Variants in TBC1D22B observed in about 807,000 individuals in gnomAD.
TBC1D22B encodes the protein TBC1 domain family member 22B.
In TBC1D22B, 32 loss-of-function variants were observed where a neutral mutation model predicts 69.1. The ratio of observed to expected loss-of-function variants is 0.46; its 90% confidence interval spans 0.35 to 0.62. TBC1D22B has a LOEUF of 0.62. Ranked by LOEUF, TBC1D22B falls within the 20% of genes least tolerant of loss-of-function variation. TBC1D22B has a pLI of 0.00. For synonymous variants in TBC1D22B, 206 were observed against 229.8 expected (o/e 0.90, Z 0.94); for missense variants, 462 against 630.9 (o/e 0.73, Z 2.87).
chr6:37,305,674 C>A (rs866467066), intron 8 of TBC1D22B, among the ~76,000 whole-genome samples: 1 of 152,198 alleles, frequency 6.6e-6, no homozygotes, highest in East Asian at 1.9e-4. Flanking sequence ...CCCGCCACCA[C>A]GCCTGGCTAT....
intron 7 of TBC1D22B, among the ~76,000 whole-genome samples, chr6:37,287,954 G>A (rs535407662): frequency 6.6e-6 from 1 of 152,190 alleles, no homozygotes; most frequent in Admixed American, 6.5e-5. Flanking sequence ...GAAGGTGTCA[G>A]TGGGGCTATT....
At chr6:37,328,915 C>T (rs749332292) in intron 12 of TBC1D22B, among the ~76,000 whole-genome samples, 20 of 152,000 alleles carry the variant, frequency 1.3e-4, no homozygotes, top group Non-Finnish European at 2.1e-4. Flanking sequence ...TTAGTAGAGA[C>T]GGGGTTTCAC....
chr6:37,304,129 T>C (rs58931517), intron 8 of TBC1D22B, among the ~76,000 whole-genome samples: 4,839 of 152,318 alleles, frequency 0.032, 239 homozygotes, highest in African/African-American at 0.11. Context: ...TTTCTGATAC[T>C]GTGCTGAATT....
intron 12 of TBC1D22B, among the ~76,000 whole-genome samples, chr6:37,318,535 G>A (rs73423614): frequency 0.032 from 4,837 of 152,246 alleles, 242 homozygotes; most frequent in African/African-American, 0.11. Flanking sequence ...CCTAGATGCT[G>A]CTTAAAGCCG....
intron 8 of TBC1D22B, among the ~76,000 whole-genome samples, chr6:37,297,363 A>C (rs1024184036): frequency 1.3e-5 from 2 of 152,226 alleles, no homozygotes; most frequent in Admixed American, 6.5e-5. Context: ...CTGGCCAAGC[A>C]GTAACATTAC....
Position 37,282,910 on chromosome 6 carries a change from G to A in TBC1D22B, c.630G>A (p.Gly210=), listed in dbSNP as rs145541673. Residue 210 remains glycine, a synonymous_variant, in exon 5 of 13, where the codon GGG becomes GGA. Coordinates refer to ENST00000373491, the MANE Select transcript of TBC1D22B (RefSeq NM_017772.4). ...LDELRKCSWP[G]VPREVRPITW... is the part of the protein sequence containing the mutation. Reference sequence around the variant, plus strand: ...AACTGAGGAAGTGTAGCTGGCCAGGGGTTCCCAGGGAGGTTCGACCTATAA... The same window carrying A: ...AACTGAGGAAGTGTAGCTGGCCAGGAGTTCCCAGGGAGGTTCGACCTATAA... 1 of 1,613,962 alleles carries A rather than the reference G, an allele frequency of 6.2e-7. No homozygotes were observed. The highest frequency in any genetic ancestry group is 8.5e-7 in the Non-Finnish European group (1 of 1,179,902).
intron 1 of TBC1D22B, among the ~76,000 whole-genome samples, chr6:37,266,930 C>CTTTTTTTTTTTTTTTTTTTTT (rs35702920): frequency 1.8e-5 from 1 of 54,858 alleles, no homozygotes; most frequent in Non-Finnish European, 3.2e-5. Flanking sequence ...TTTTCTTCGT[C>CTTTTTTTTTTTTTTTTTTTTT]TTTTTTTTTT....
Position 37,279,251 on chromosome 6 carries a change from G to A in TBC1D22B, c.114-53G>A, listed in dbSNP as rs71569371. On this transcript the variant is annotated intron_variant, in intron 2 of 12. Coordinates refer to ENST00000373491, the MANE Select transcript of TBC1D22B (RefSeq NM_017772.4). The stretch of plus-strand genomic sequence containing the variant: ...AATATTACAATAATAAGCAAATGTA[G>A]GTGGTCAGATGTGTCAGGCCATTCC... 3.9e-3 allele frequency: 5,564 copies of A among 1,431,508 alleles called. 11 individuals are homozygous for A. Among genetic ancestry groups the A allele is most frequent in the Non-Finnish European group, 4.5e-3 (4,685 of 1,052,352 alleles). The allele number at this position is 1,431,508 out of a possible 1,614,324, so 88.7% of individuals were successfully genotyped here.
At chr6:37,328,872 G>A (rs754104614) in intron 12 of TBC1D22B, among the ~76,000 whole-genome samples, 3 of 151,936 alleles carry the variant, frequency 2.0e-5, no homozygotes, top group South Asian at 4.2e-4. Flanking sequence ...GACTACAGGC[G>A]GCCACCACAA....
Position 37,294,248 on chromosome 6 carries a change from G to GTGTA in TBC1D22B, c.982+2892_982+2895dup, listed in dbSNP as rs1397223110. On this transcript the variant is annotated intron_variant, in intron 8 of 12. Coordinates refer to ENST00000373491, the MANE Select transcript of TBC1D22B (RefSeq NM_017772.4). ...GAGACAGTGGCATGATCATAGCACA[G>GTGTA]TGTAACCTTATACTCTGGCTAAAGC... 5.3e-5 allele frequency among the ~76,000 whole-genome samples: 8 copies of GTGTA among 152,160 alleles called. No individual in the cohort carries two copies. The East Asian group carries it at 1.5e-3, about 29-fold the overall frequency.
At chr6:37,277,695 T>C (rs1164402623) in intron 2 of TBC1D22B, among the ~76,000 whole-genome samples, 1 of 152,058 alleles carries the variant, frequency 6.6e-6, no homozygotes, top group African/African-American at 2.4e-5. Context: ...CTCAAACTCC[T>C]GACCTCAAGT....
At position 37,269,592 on chromosome 6, in the gene TBC1D22B, A is replaced by G. The variant is rs1334155713; in HGVS notation, c.57-2A>G. On this transcript the variant is annotated splice_acceptor_variant, in intron 1 of 12. Coordinates refer to ENST00000373491, the MANE Select transcript of TBC1D22B (RefSeq NM_017772.4). LOFTEE classifies it high-confidence loss of function. ...ATTTCTTCCTTTTGTTTTTGCTTTT[A>G]GCATTCAGCCTGTATATGGAGCACA... 2 of 1,613,942 alleles carry G rather than the reference A, an allele frequency of 1.2e-6. No individual in the cohort carries two copies. The highest frequency in any genetic ancestry group is 8.5e-7 in the Non-Finnish European group (1 of 1,179,974).
intron 8 of TBC1D22B, among the ~76,000 whole-genome samples, chr6:37,311,836 AT>A (rs1767920588): frequency 6.6e-6 from 1 of 152,156 alleles, no homozygotes. Flanking sequence ...CAAGGGCTTG[AT>A]TGTTTCTGTG....
chr6:37,314,461 G>A (rs770946522), intron 10 of TBC1D22B, among the ~76,000 whole-genome samples: 1 of 152,186 alleles, frequency 6.6e-6, no homozygotes, highest in Non-Finnish European at 1.5e-5. Flanking sequence ...GACTTGTGTG[G>A]GGTGGGGAAA....
At chr6:37,310,668 CAAAATA>C (rs1767882045) in intron 8 of TBC1D22B, among the ~76,000 whole-genome samples, 1 of 151,992 alleles carries the variant, frequency 6.6e-6, no homozygotes. Context: ...AACTCTGTCT[CAAAATA>C]AAAATAAAAT....
At chr6:37,284,288 T>A in intron 5 of TBC1D22B, 48 bp from the exon 6 acceptor site, 1 of 1,613,454 alleles carries the variant, frequency 6.2e-7, no homozygotes, top group Non-Finnish European at 8.5e-7. Flanking sequence ...AATTAAGGAT[T>A]TATCCAACCA....
intron 12 of TBC1D22B, among the ~76,000 whole-genome samples, chr6:37,329,526 A>AC (rs1173249106): frequency 6.6e-6 from 1 of 152,244 alleles, no homozygotes; most frequent in Non-Finnish European, 1.5e-5. Flanking sequence ...TGGATGAAAG[A>AC]CCATGTGCAT....
At chr6:37,319,821 C>T (rs1768187225) in intron 12 of TBC1D22B, among the ~76,000 whole-genome samples, 1 of 152,194 alleles carries the variant, frequency 6.6e-6, no homozygotes, top group Non-Finnish European at 1.5e-5. Context: ...GAGACAGAAT[C>T]ATGGCAGAGG....
chr6:37,291,432 A>G, intron 8 of TBC1D22B, 75 bp downstream of exon 8: 1 of 1,111,914 alleles, frequency 9.0e-7, no homozygotes, highest in African/African-American at 1.6e-5. Flanking sequence ...GTTTTTCCCA[A>G]GAGTCCAGCC....
Sources: gnomAD v4.1 joint callset for allele counts (sites outside exome capture counted in the v4.1 genomes callset) on GRCh38, gnomAD v4.1.1 for gene constraint, MANE v1.5 for transcripts, NCBI Gene and HGNC (gene_info 2026-07-23, HGNC 2026-07-21) for gene names.